CACNA1D: variants seen among roughly 807,000 people sequenced by gnomAD.
The protein encoded by CACNA1D is voltage-dependent L-type calcium channel subunit alpha-1D.
In CACNA1D, 55 loss-of-function variants were observed where a neutral mutation model predicts 257.1. The observed-to-expected ratio is 0.21, with a 90% confidence interval of 0.17 to 0.27. The LOEUF (loss-of-function observed/expected upper bound fraction) is 0.27, where lower values mean the gene tolerates loss of function less well. Ranked by LOEUF, CACNA1D falls within the 10% of genes least tolerant of loss-of-function variation. The pLI, the probability that CACNA1D is intolerant of heterozygous loss-of-function variation, is 1.00. For missense variants in CACNA1D, 1,876 were observed against 2,784.0 expected (o/e 0.67, Z 7.34); for synonymous variants, 980 against 1,014.9 (o/e 0.97, Z 0.65).
intron 33 of CACNA1D, 32 bp downstream of exon 33, chr3:53,772,930 C>G: frequency 6.3e-7 from 1 of 1,577,974 alleles, no homozygotes; most frequent in Non-Finnish European, 8.7e-7. Context: ...CTCAGGGGCC[C>G]TTTCACTGGG....
At chr3:53,633,100 G>C (rs998890328) in intron 3 of CACNA1D, among the ~76,000 whole-genome samples, 3 of 152,214 alleles carry the variant, frequency 2.0e-5, no homozygotes, top group Non-Finnish European at 2.9e-5. Context: ...AATAAAATGA[G>C]ATATTCCTGT....
rs2095229623 is a variant in CACNA1D, at chr3:53,751,939, C to T, written c.3675+32C>T. ...ATGGAGACAGCCGTGGGGATCAGGT[C>T]CGGGCATTCCGCACAGCCCCGTGCC... On this transcript the variant is annotated intron_variant, in intron 28 of 47. Transcript: ENST00000350061. The surrounding 1 kb of genome is among the most constrained non-coding windows in gnomAD (Gnocchi z 4.3). The T allele has an allele frequency of 1.2e-6, 2 of 1,608,550 alleles. No individual in the cohort carries two copies. The highest frequency in any genetic ancestry group is 1.1e-5 in the South Asian group (1 of 90,980).
intron 32 of CACNA1D, among the ~76,000 whole-genome samples, chr3:53,771,550 G>C (rs3821866): frequency 0.26 from 40,212 of 152,112 alleles, 6,434 homozygotes; most frequent in Non-Finnish European, 0.36. Context: ...GGGAGAATGA[G>C]GTTGGAGGAA....
intron 39 of CACNA1D, among the ~76,000 whole-genome samples, chr3:53,784,790 C>T (rs763421041): frequency 6.6e-6 from 1 of 152,164 alleles, no homozygotes; most frequent in Admixed American, 6.5e-5. Context: ...TGTGTGCAGC[C>T]TGGGAAAGGG....
At chr3:53,801,783 A>T (rs2095537589) in intron 42 of CACNA1D, among the ~76,000 whole-genome samples, 1 of 152,208 alleles carries the variant, frequency 6.6e-6, no homozygotes, top group Non-Finnish European at 1.5e-5. Flanking sequence ...AGGCTTTGAG[A>T]ACCATACAGT....
At chr3:53,742,293 A>G (rs1028648471) in intron 21 of CACNA1D, among the ~76,000 whole-genome samples, 4 of 152,172 alleles carry the variant, frequency 2.6e-5, no homozygotes, top group African/African-American at 9.6e-5. Flanking sequence ...TGAGCTGTAT[A>G]TATTTTGCTA....
Position 53,673,197 on chromosome 3 carries a change from G to A in CACNA1D, c.1220+71G>A. ...TTGCCAAGACCACACAAGCTTTGCT[G>A]GATGAGGGCCGCCAAGAGGGGTTGC... On this transcript the variant is annotated intron_variant, in intron 8 of 47. Coordinates refer to ENST00000350061, the MANE Select transcript of CACNA1D (RefSeq NM_001128840.3). This position sits in a 1 kb window ranked among gnomAD's most constrained non-coding sequence, Gnocchi z 4.1. 2 of 1,047,444 alleles carry A rather than the reference G, an allele frequency of 1.9e-6. No homozygotes were observed. The highest frequency in any genetic ancestry group is 1.4e-5 in the South Asian group (1 of 71,780). 64.9% of individuals were successfully genotyped at this position (1,047,444 alleles called of 1,614,324 possible). A position where few individuals can be genotyped will look rare whatever the true frequency, so the allele number is the denominator to read the frequency against.
chr3:53,584,453 C>T (rs547805838), intron 3 of CACNA1D, among the ~76,000 whole-genome samples: 12 of 152,300 alleles, frequency 7.9e-5, no homozygotes, highest in Non-Finnish European at 1.5e-4. Context: ...CCTGCAGAAC[C>T]TTTACCACTT....
Position 53,735,560 on chromosome 3 carries a change from G to A in CACNA1D, c.2751+57G>A, listed in dbSNP as rs369238984. ...TAGCCCTGGCCTCTCTCGGGCAGAG[G>A]CCACTGTAGAGATGGGAGCTGTGGA... On this transcript the variant is annotated intron_variant, in intron 20 of 47. Transcript: ENST00000350061. 1.1e-3 allele frequency: 1,700 copies of A among 1,599,284 alleles called. 9 individuals carry two copies. Among genetic ancestry groups the A allele is most frequent in the South Asian group, 5.7e-3 (517 of 90,866 alleles).
chr3:53,531,658 A>G (rs1293670146), intron 3 of CACNA1D, among the ~76,000 whole-genome samples: 1 of 152,152 alleles, frequency 6.6e-6, no homozygotes, highest in Non-Finnish European at 1.5e-5. Context: ...CTTATTAATG[A>G]ATTCTTCCCA....
intron 10 of CACNA1D, 193 bp downstream of exon 10, chr3:53,718,581 C>CG: frequency 1.5e-6 from 1 of 658,848 alleles, no homozygotes; most frequent in Non-Finnish European, 2.8e-6. Flanking sequence ...CCCCACCCCC[C>CG]GCCCCCCCGC....
chr3:53,509,064 T>C (rs2090991609), intron 3 of CACNA1D, among the ~76,000 whole-genome samples: 1 of 152,184 alleles, frequency 6.6e-6, no homozygotes, highest in South Asian at 2.1e-4. Context: ...TGTCTGCTCA[T>C]GTGATGGAAA....
intron 3 of CACNA1D, among the ~76,000 whole-genome samples, chr3:53,641,162 G>T (rs577754381): frequency 6.6e-6 from 1 of 152,164 alleles, no homozygotes; most frequent in Non-Finnish European, 1.5e-5. Context: ...CACTGTCCTC[G>T]CTGGACCCAT....
At position 53,690,096 on chromosome 3, in the gene CACNA1D, T is replaced by G. The variant is rs113414478; in HGVS notation, c.1221-12545T>G. ...AAGACTCAGGGAGGTTTATCAATTT[T>G]CTCAAAATTTACACAGCTAGTAAGT... On this transcript the variant is annotated intron_variant, in intron 8 of 47. Coordinates refer to ENST00000350061, the MANE Select transcript of CACNA1D (RefSeq NM_001128840.3). Among the ~76,000 whole-genome samples, 554 of 152,334 alleles carry G rather than the reference T, an allele frequency of 3.6e-3. 4 individuals are homozygous for G. The highest frequency in any genetic ancestry group is 0.013 in the African/African-American group (529 of 41,574).
chr3:53,785,296 C>CT (rs1471844876), intron 39 of CACNA1D, among the ~76,000 whole-genome samples: 1 of 152,142 alleles, frequency 6.6e-6, no homozygotes, highest in Non-Finnish European at 1.5e-5. Context: ...TGGCTTATAC[C>CT]TGGGTGGCCC....
At chr3:53,616,145 A>C (rs1279416802) in intron 3 of CACNA1D, among the ~76,000 whole-genome samples, 1 of 152,144 alleles carries the variant, frequency 6.6e-6, no homozygotes, top group African/African-American at 2.4e-5. Context: ...GGGATGGTGC[A>C]GGTGAAGTGA....
At chr3:53,735,856 C>T (rs912906614) in intron 20 of CACNA1D, among the ~76,000 whole-genome samples, 3 of 152,172 alleles carry the variant, frequency 2.0e-5, no homozygotes, top group Non-Finnish European at 4.4e-5. Context: ...ATTCATGCCT[C>T]GTGGAAGCAC....
At chr3:53,509,960 A>C (rs536173212) in intron 3 of CACNA1D, among the ~76,000 whole-genome samples, 1 of 152,358 alleles carries the variant, frequency 6.6e-6, no homozygotes, top group East Asian at 1.9e-4. Context: ...TGCAGAGCAC[A>C]GCAGCCCTGT....
At chr3:53,496,639 A>G (rs2090362369) in intron 1 of CACNA1D, among the ~76,000 whole-genome samples, 1 of 152,154 alleles carries the variant, frequency 6.6e-6, no homozygotes, top group South Asian at 2.1e-4. Flanking sequence ...CGGTACTGAA[A>G]AAAATGCATT....
Sources: allele counts gnomAD v4.1 joint callset (sites outside exome capture counted in the v4.1 genomes callset), GRCh38; gene constraint gnomAD v4.1.1; non-coding constraint Gnocchi (gnomAD v3.1); transcripts MANE v1.5; gene names NCBI Gene and HGNC (gene_info 2026-07-23, HGNC 2026-07-21).